ROS1: variants seen among roughly 807,000 people sequenced by gnomAD.
The protein encoded by ROS1 is proto-oncogene tyrosine-protein kinase ROS.
A neutral mutation model predicts 273.5 loss-of-function variants in ROS1; 263 were observed. The ratio of observed to expected loss-of-function variants is 0.96; its 90% CI spans 0.87 to 1.06. The LOEUF (loss-of-function observed/expected upper bound fraction) is 1.06. Among genes scored for constraint, ROS1 ranks in the 50% least tolerant of loss-of-function variants. The pLI is 0.00. For synonymous variants in ROS1, 1,008 were observed against 954.1 expected (o/e 1.06, Z -1.04); for missense variants, 2,833 against 2,751.1 (o/e 1.03, Z -0.67).
intron 16 of ROS1, among the ~76,000 whole-genome samples, chr6:117,384,889 C>A (rs1772436065): frequency 6.6e-6 from 1 of 152,186 alleles, no homozygotes; most frequent in Non-Finnish European, 1.5e-5. Context: ...GACCATACAT[C>A]TTGATAGTGG....
intron 7 of ROS1, 45 bp from the exon 8 acceptor site, chr6:117,397,161 C>A (rs371671682): frequency 3.2e-6 from 4 of 1,239,840 alleles, no homozygotes; most frequent in Non-Finnish European, 4.6e-6. Context: ...AATGTGCAAG[C>A]ATGATGTTTT....
At chr6:117,400,039 T>G (rs1178950014) in intron 7 of ROS1, among the ~76,000 whole-genome samples, 2 of 152,234 alleles carry the variant, frequency 1.3e-5, no homozygotes, top group African/African-American at 4.8e-5. Flanking sequence ...GGACCTAGTC[T>G]GCCTTCCCAG....
chr6:117,354,334 C>T (rs1213252761), intron 26 of ROS1, among the ~76,000 whole-genome samples: 1 of 150,654 alleles, frequency 6.6e-6, no homozygotes, highest in Non-Finnish European at 1.5e-5. Flanking sequence ...GCCTGGGCAA[C>T]AGAGTGAGAC....
intron 22 of ROS1, among the ~76,000 whole-genome samples, chr6:117,361,339 T>C (rs906334074): frequency 1.3e-5 from 2 of 151,596 alleles, no homozygotes; most frequent in African/African-American, 4.8e-5. Flanking sequence ...CAACAAAACA[T>C]TGTATTATTT....
At chr6:117,365,227 T>C (rs1268279779) in intron 20 of ROS1, 23 bp from the exon 21 acceptor site, 2 of 1,549,112 alleles carry the variant, frequency 1.3e-6, no homozygotes, top group African/African-American at 1.4e-5. Context: ...CAGAAAACAT[T>C]ATTTTCTCAG....
In ROS1 at chr6:117,287,409, A is replaced by G. The variant is rs1773518866; in HGVS notation, c.*1083T>C. 6.6e-6 allele frequency among the ~76,000 whole-genome samples: 1 copy of G among 152,210 alleles called. No homozygotes were observed. The highest frequency in any genetic ancestry group is 6.5e-5 in the Admixed American group (1 of 15,282). Reference sequence around the variant, plus strand: ...TAAGCATAATTTGATACAAAATGTAATCTTAAGTATTTTATACATAAAATA... The same window carrying G: ...TAAGCATAATTTGATACAAAATGTAGTCTTAAGTATTTTATACATAAAATA... On this transcript the variant is annotated 3_prime_UTR_variant, in exon 44 of 44. Coordinates refer to ENST00000368507, the MANE Select transcript of ROS1 (RefSeq NM_001378902.1).
At position 117,356,670 on chromosome 6, in the gene ROS1, C is replaced by T. The variant is rs1304190335; in HGVS notation, c.4085G>A (p.Gly1362Asp). Residue 1362 changes from glycine (G) to aspartate (D), a missense_variant, in exon 26 of 44, where the codon GGC becomes GAC. By Grantham distance (94) the Gly-to-Asp change is moderately conservative (BLOSUM62 -1). Transcript: ENST00000368507. ...TGTGATAACTCTCCAACACTGACAG[C>T]CTTCCAGATCCATTGCCCAGATCTC... is the stretch of plus-strand genomic sequence containing the variant. ...AQEIWAMDLE[G>D]CQCWRVITVP... 3.7e-6 allele frequency: 6 copies of T among 1,614,080 alleles called. No homozygotes were observed. In the South Asian group the frequency reaches 4.4e-5, roughly 12 times the overall value.
chr6:117,396,388 G>A (rs1181843229), intron 8 of ROS1, 124 bp from the exon 9 acceptor site: 24 of 704,342 alleles, frequency 3.4e-5, no homozygotes, highest in East Asian at 5.2e-5. Context: ...GTCTAGTTAC[G>A]TGGTGCCACT....
At chr6:117,420,658 C>T (rs1448898825) in intron 1 of ROS1, among the ~76,000 whole-genome samples, 1 of 151,466 alleles carries the variant, frequency 6.6e-6, no homozygotes, top group Non-Finnish European at 1.5e-5. Flanking sequence ...TTTAATTCCA[C>T]ATGATATTTG....
At chr6:117,360,503 C>T in intron 22 of ROS1, 98 bp from the exon 23 acceptor site, 1 of 767,808 alleles carries the variant, frequency 1.3e-6, no homozygotes. Context: ...ATTTCATACT[C>T]CTGATACACA....
intron 18 of ROS1, among the ~76,000 whole-genome samples, chr6:117,369,536 T>C (rs1355776162): frequency 2.0e-5 from 3 of 151,686 alleles, no homozygotes; most frequent in Non-Finnish European, 4.4e-5. Context: ...ATCGCGCCAC[T>C]GCACCAGCCT....
In ROS1 at chr6:117,288,662, G is replaced by C. The variant is rs1291536074; in HGVS notation, c.6856C>G (p.Leu2286Val). Reference protein sequence around the residue: ...GQGEEKSEGPLGSQESESCGL... With the variant: ...GQGEEKSEGPVGSQESESCGL... ...CAAGATTCAGATTCCTGGGAGCCTA[G>C]AGGACCCTCAGACTTTTCTTCACCT... Residue 2286 changes from leucine (L) to valine (V), a missense_variant, in exon 44 of 44, where the codon CTA becomes GTA. Leu to Val is a conservative substitution (Grantham distance 32). Transcript: ENST00000368507. 1 of 1,613,960 alleles carries C rather than the reference G, an allele frequency of 6.2e-7. No homozygotes were observed. Among genetic ancestry groups the C allele is most frequent in the African/African-American group, 1.3e-5 (1 of 74,900 alleles).
intron 39 of ROS1, among the ~76,000 whole-genome samples, chr6:117,314,905 C>T (rs560789956): frequency 1.2e-4 from 19 of 152,064 alleles, no homozygotes; most frequent in Admixed American, 1.1e-3. Flanking sequence ...TTAGGCCTCA[C>T]GATTAAATAT....
At position 117,365,590 on chromosome 6, in the gene ROS1, A is replaced by G. The variant is rs1377282275; in HGVS notation, c.2949T>C (p.Ala983=). Residue 983 remains alanine (A), a synonymous_variant, in exon 20 of 44, where the codon GCT becomes GCC. Coordinates refer to ENST00000368507, the MANE Select transcript of ROS1 (RefSeq NM_001378902.1). ...AGAACCAACACCATACCTTAGAATGAGCACTAAATTCTACACTGTAGAAAA... is the reference window on the plus strand; with the variant it reads ...AGAACCAACACCATACCTTAGAATGGGCACTAAATTCTACACTGTAGAAAA... ...GVVFYSVEFS[A]HSKFLASEQH... is the part of the protein sequence containing the mutation. 1 of 1,612,794 alleles carries G rather than the reference A, an allele frequency of 6.2e-7. No individual in the cohort carries two copies. Among genetic ancestry groups the G allele is most frequent in the Non-Finnish European group, 8.5e-7 (1 of 1,178,948 alleles).
chr6:117,306,925 C>T (rs1160131704), intron 42 of ROS1, among the ~76,000 whole-genome samples: 1 of 151,992 alleles, frequency 6.6e-6, no homozygotes, highest in Non-Finnish European at 1.5e-5. Flanking sequence ...TGATGCATGG[C>T]TTATTTTTAT....
Position 117,317,292 on chromosome 6 carries a change from A to G in ROS1, c.5988-20T>C, listed in dbSNP as rs188424596. 5.6e-4 allele frequency: 895 copies of G among 1,604,824 alleles called. 5 individuals carry two copies. The African/African-American group carries it at 9.8e-3, about 18-fold the overall frequency. ...AATTTGCTGAAAGGTGGAAAGACAC[A>G]GGCTGGATGATATGACAGAAGCAGG... On this transcript the variant is annotated intron_variant, in intron 38 of 43. Coordinates refer to ENST00000368507, the MANE Select transcript of ROS1 (RefSeq NM_001378902.1).
chr6:117,399,782 C>A (rs1773799388), intron 7 of ROS1, among the ~76,000 whole-genome samples: 3 of 152,192 alleles, frequency 2.0e-5, no homozygotes, highest in African/African-American at 7.2e-5. Flanking sequence ...AATATATGTT[C>A]TGTTTTTAAA....
chr6:117,304,250 T>A (rs901773044), intron 42 of ROS1, among the ~76,000 whole-genome samples: 1 of 152,220 alleles, frequency 6.6e-6, no homozygotes, highest in African/African-American at 2.4e-5. Flanking sequence ...CAATGAAGGA[T>A]CATTAGCCTT....
At chr6:117,396,499 C>T (rs1773499406) in intron 8 of ROS1, among the ~76,000 whole-genome samples, 1 of 151,804 alleles carries the variant, frequency 6.6e-6, no homozygotes, top group Admixed American at 6.6e-5. Flanking sequence ...ATCTGCATGA[C>T]CCCCATTCTT....
Sources: gnomAD v4.1 joint callset for allele counts (sites outside exome capture counted in the v4.1 genomes callset) on GRCh38, gnomAD v4.1.1 for gene constraint, MANE v1.5 for transcripts, NCBI Gene and HGNC (gene_info 2026-07-23, HGNC 2026-07-21) for gene names.